Variants in STK32B observed in about 807,000 individuals in gnomAD.
The protein encoded by STK32B is serine/threonine-protein kinase 32B.
Under a neutral mutation model 52.6 loss-of-function variants are expected in STK32B, and 43 were observed. That is an observed-to-expected ratio of 0.82 (90% CI 0.64 to 1.05). The LOEUF (loss-of-function observed/expected upper bound fraction) is 1.05. Among genes scored for constraint, STK32B ranks in the 50% least tolerant of loss-of-function variants. The probability of loss-of-function intolerance (pLI) is 0.00; values close to 1 mark genes in which losing one functional copy is unlikely to be tolerated. For synonymous variants in STK32B, 238 were observed against 204.3 expected (o/e 1.17, Z -1.41); for missense variants, 621 against 534.6 (o/e 1.16, Z -1.59).
intron 7 of STK32B, among the ~76,000 whole-genome samples, chr4:5,452,511 G>A (rs1227294706): frequency 6.6e-6 from 1 of 152,184 alleles, no homozygotes; most frequent in African/African-American, 2.4e-5. Flanking sequence ...TTTTCAAGCT[G>A]TGCTTCTCAG....
chr4:5,163,993 G>A (rs1380495300), intron 2 of STK32B, among the ~76,000 whole-genome samples: 1 of 152,160 alleles, frequency 6.6e-6, no homozygotes, highest in African/African-American at 2.4e-5. Context: ...AGACCCGACT[G>A]TGGACCTGGT....
rs943268678 is a variant in STK32B at position 5,264,481 on chromosome 4, T to TA, written c.261-66728dup. Among the ~76,000 whole-genome samples, 180 of 139,320 alleles carry TA rather than the reference T, an allele frequency of 1.3e-3. 1 individual carries two copies. The highest frequency in any genetic ancestry group is 3.7e-3 in the African/African-American group (122 of 32,660). The allele number at this position is 139,320 out of a possible 152,430, so 91.4% of individuals were successfully genotyped here. On this transcript the variant is annotated intron_variant, in intron 3 of 11. Transcript: ENST00000282908. Reference sequence around the variant, plus strand: ...AAGCCTTTTGCCTATTTTTAAAACTTAAAAAAAAAAATTGTTGTGTTGTGA... The same window carrying TA: ...AAGCCTTTTGCCTATTTTTAAAACTTAAAAAAAAAAAATTGTTGTGTTGTGA...
intron 3 of STK32B, among the ~76,000 whole-genome samples, chr4:5,324,534 C>G (rs1477904222): frequency 6.6e-6 from 1 of 152,130 alleles, no homozygotes; most frequent in African/African-American, 2.4e-5. Flanking sequence ...TCAACCTCAG[C>G]ACTGTTGCCA....
At chr4:5,285,108 A>G (rs1728462744) in intron 3 of STK32B, among the ~76,000 whole-genome samples, 1 of 152,194 alleles carries the variant, frequency 6.6e-6, no homozygotes, top group Non-Finnish European at 1.5e-5. Context: ...TAGCATTTTA[A>G]TTTCTCTAGC....
At chr4:5,194,534 C>T (rs1412418998) in intron 3 of STK32B, among the ~76,000 whole-genome samples, 4 of 152,266 alleles carry the variant, frequency 2.6e-5, no homozygotes, top group South Asian at 4.1e-4. Context: ...AAAATGTATG[C>T]GCCAGAGCAA....
At chr4:5,133,328 C>T (rs886520736) in intron 1 of STK32B, among the ~76,000 whole-genome samples, 2 of 152,190 alleles carry the variant, frequency 1.3e-5, no homozygotes, top group Admixed American at 1.3e-4. Context: ...CTAATGGAAG[C>T]TTTTCATGAT....
chr4:5,446,998 G>T, intron 7 of STK32B: 1 of 501,214 alleles, frequency 2.0e-6, no homozygotes, highest in Non-Finnish European at 3.6e-6. Context: ...ATTCAGTGGG[G>T]GAGGGTCTTA....
At chr4:5,337,030 G>A (rs148157841) in intron 4 of STK32B, among the ~76,000 whole-genome samples, 5 of 152,226 alleles carry the variant, frequency 3.3e-5, no homozygotes, top group Middle Eastern at 3.4e-3. Flanking sequence ...TCAGGCTAGA[G>A]TGCACTGGTA....
At chr4:5,199,533 A>C (rs761251702) in intron 3 of STK32B, among the ~76,000 whole-genome samples, 8 of 151,470 alleles carry the variant, frequency 5.3e-5, no homozygotes, top group Non-Finnish European at 1.2e-4. Context: ...CATGTTCCAC[A>C]TTAGTGAAGC....
chr4:5,135,116 C>T (rs1715997941), intron 1 of STK32B, among the ~76,000 whole-genome samples: 1 of 152,226 alleles, frequency 6.6e-6, no homozygotes, highest in African/African-American at 2.4e-5. Context: ...AATATTTTGT[C>T]ATGATTTAAT....
At chr4:5,392,560 C>G (rs747286770) in intron 4 of STK32B, among the ~76,000 whole-genome samples, 1 of 151,952 alleles carries the variant, frequency 6.6e-6, no homozygotes, top group Non-Finnish European at 1.5e-5. Flanking sequence ...ATTTCCCCAC[C>G]CACAGAGAGA....
chr4:5,208,132 G>C (rs56383414), intron 3 of STK32B, among the ~76,000 whole-genome samples: 14,474 of 152,156 alleles, frequency 0.095, 881 homozygotes, highest in Middle Eastern at 0.14. Context: ...CTGCTCACCA[G>C]GTGATTCAGG....
intron 4 of STK32B, among the ~76,000 whole-genome samples, chr4:5,360,940 C>G (rs956960771): frequency 6.6e-6 from 1 of 152,232 alleles, no homozygotes; most frequent in Non-Finnish European, 1.5e-5. Flanking sequence ...CAGAACTCCT[C>G]ATTTTGCAAA....
intron 3 of STK32B, among the ~76,000 whole-genome samples, chr4:5,288,239 C>T (rs952212312): frequency 6.6e-6 from 1 of 152,086 alleles, no homozygotes; most frequent in Admixed American, 6.6e-5. Flanking sequence ...TTTTTCACTT[C>T]TCTTAGGTAT....
intron 3 of STK32B, among the ~76,000 whole-genome samples, chr4:5,314,651 T>C (rs527457021): frequency 1.5e-3 from 223 of 152,174 alleles, no homozygotes; most frequent in Non-Finnish European, 2.5e-3. Context: ...GCCTGGGTGA[T>C]AAGAGCAAGA....
intron 11 of STK32B, among the ~76,000 whole-genome samples, chr4:5,492,642 C>CTGTCT (rs1341830574): frequency 2.3e-4 from 34 of 150,510 alleles, no homozygotes; most frequent in Admixed American, 1.6e-3. Flanking sequence ...GAGGGCATCC[C>CTGTCT]TGTCTTGTGC....
intron 8 of STK32B, among the ~76,000 whole-genome samples, chr4:5,459,164 C>T (rs1716820561): frequency 6.6e-6 from 1 of 152,328 alleles, no homozygotes; most frequent in African/African-American, 2.4e-5. Context: ...TGCTAGCTAT[C>T]CCTGTGGGCT....
At chr4:5,156,439 A>C (rs1311708686) in intron 2 of STK32B, among the ~76,000 whole-genome samples, 2 of 151,808 alleles carry the variant, frequency 1.3e-5, no homozygotes, top group Non-Finnish European at 2.9e-5. Flanking sequence ...TCGCACAGAC[A>C]CTCCTCTATT....
At chr4:5,316,197 A>AATAT (rs1730686126) in intron 3 of STK32B, among the ~76,000 whole-genome samples, 20 of 96,430 alleles carry the variant, frequency 2.1e-4, no homozygotes, top group African/African-American at 5.8e-4. Flanking sequence ...ATATATTTAG[A>AATAT]TATATAATAT....
Sources: gnomAD v4.1 joint callset for allele counts (sites outside exome capture counted in the v4.1 genomes callset) on GRCh38, gnomAD v4.1.1 for gene constraint, MANE v1.5 for transcripts, NCBI Gene and HGNC (gene_info 2026-07-23, HGNC 2026-07-21) for gene names.